MAGI1: variants seen among roughly 807,000 people sequenced by gnomAD.
MAGI1 encodes the protein membrane-associated guanylate kinase, WW and PDZ domain-containing protein 1.
Under a neutral mutation model 139.9 loss-of-function variants are expected in MAGI1, and 58 were observed. The observed-to-expected ratio is 0.41, with a 90% CI of 0.34 to 0.52. The LOEUF (loss-of-function observed/expected upper bound fraction) is 0.52. MAGI1 is among the 20% of genes least tolerant of loss of function. MAGI1 has a pLI of 0.12. For missense variants in MAGI1, 1,874 were observed against 1,901.6 expected, an observed-to-expected ratio of 0.99 and a Z score of 0.27; for synonymous variants, 812 against 737.9, an observed-to-expected ratio of 1.10 and a Z score of -1.63.
intron 1 of MAGI1, among the ~76,000 whole-genome samples, chr3:65,981,662 C>T (rs905315722): frequency 6.6e-6 from 1 of 152,132 alleles, no homozygotes; most frequent in Non-Finnish European, 1.5e-5. Context: ...TGGGAGATAA[C>T]TGAATCATGG....
At chr3:65,760,527 T>C (rs796404548) in intron 1 of MAGI1, among the ~76,000 whole-genome samples, 9 of 151,904 alleles carry the variant, frequency 5.9e-5, no homozygotes, top group African/African-American at 2.2e-4. Context: ...TAGGAATAGA[T>C]AGCAACATAA....
intron 1 of MAGI1, among the ~76,000 whole-genome samples, chr3:65,904,040 A>G (rs2061342061): frequency 1.3e-5 from 2 of 152,214 alleles, no homozygotes; most frequent in East Asian, 3.9e-4. Flanking sequence ...AAATCATTCT[A>G]ATTTCCTCAA....
chr3:65,862,269 A>G (rs2059581706), intron 1 of MAGI1, among the ~76,000 whole-genome samples: 1 of 152,190 alleles, frequency 6.6e-6, no homozygotes, highest in African/African-American at 2.4e-5. Context: ...TTTTTCTTCT[A>G]TAAAATGGGG....
intron 1 of MAGI1, among the ~76,000 whole-genome samples, chr3:65,970,652 GAGCCAACACC>G (rs1171598742): frequency 6.6e-6 from 1 of 151,808 alleles, no homozygotes; most frequent in Non-Finnish European, 1.5e-5. Flanking sequence ...CCACACTCTG[GAGCCAACACC>G]AGCCAACCCA....
At chr3:65,787,722 T>A (rs1467877586) in intron 1 of MAGI1, among the ~76,000 whole-genome samples, 1 of 152,014 alleles carries the variant, frequency 6.6e-6, no homozygotes, top group East Asian at 1.9e-4. Context: ...GGGTTGAACA[T>A]CTAATTAGCC....
intron 1 of MAGI1, among the ~76,000 whole-genome samples, chr3:65,922,799 C>G (rs924482564): frequency 1.3e-5 from 2 of 152,170 alleles, no homozygotes; most frequent in African/African-American, 4.8e-5. Context: ...TAATAAGAAC[C>G]AGCCAGTTGG....
chr3:66,014,444 T>C (rs2067513209), intron 1 of MAGI1, among the ~76,000 whole-genome samples: 1 of 152,190 alleles, frequency 6.6e-6, no homozygotes, highest in Non-Finnish European at 1.5e-5. Context: ...AGGACAGAGA[T>C]CCACCTCACT....
chr3:65,659,491 C>T (rs909259547), intron 1 of MAGI1, among the ~76,000 whole-genome samples: 1 of 152,082 alleles, frequency 6.6e-6, no homozygotes, highest in African/African-American at 2.4e-5. Context: ...CAGGACGGTT[C>T]CAAAAACACT....
At chr3:65,849,718 CTGT>C (rs2059141335) in intron 1 of MAGI1, among the ~76,000 whole-genome samples, 1 of 152,040 alleles carries the variant, frequency 6.6e-6, no homozygotes. Flanking sequence ...TTTGTTGCTG[CTGT>C]TAAGAAACAA....
At chr3:66,012,507 A>G (rs1373739073) in intron 1 of MAGI1, among the ~76,000 whole-genome samples, 2 of 152,166 alleles carry the variant, frequency 1.3e-5, no homozygotes, top group Non-Finnish European at 2.9e-5. Context: ...ATGAGAGATA[A>G]AAACAGACAA....
rs139503462 is a variant in MAGI1, at chr3:65,651,142, C to T, written c.314-29054G>A. Reference sequence around the variant, plus strand: ...AAGGCCAGCAGACTTACATGAAGATCGGCATTTGCCTTTTTTGCCCACTGC... The same window carrying T: ...AAGGCCAGCAGACTTACATGAAGATTGGCATTTGCCTTTTTTGCCCACTGC... On this transcript the variant is annotated intron_variant, in intron 1 of 22. Coordinates refer to ENST00000402939, the MANE Select transcript of MAGI1 (RefSeq NM_001033057.2). 1.3e-4 allele frequency among the ~76,000 whole-genome samples: 20 copies of T among 152,210 alleles called. No individual in the cohort carries two copies. In the East Asian group the frequency reaches 3.3e-3, roughly 25 times the overall value.
At chr3:65,905,913 T>A (rs1244236761) in intron 1 of MAGI1, among the ~76,000 whole-genome samples, 2 of 152,208 alleles carry the variant, frequency 1.3e-5, no homozygotes, top group East Asian at 3.9e-4. Flanking sequence ...TGTGGTGCTT[T>A]CCGGATATAA....
At chr3:65,565,102 G>A (rs2080550159) in intron 2 of MAGI1, among the ~76,000 whole-genome samples, 1 of 152,128 alleles carries the variant, frequency 6.6e-6, no homozygotes, top group Non-Finnish European at 1.5e-5. Flanking sequence ...ATACACACGG[G>A]TGCACACACA....
chr3:65,632,858 G>C (rs1365444625), intron 1 of MAGI1, among the ~76,000 whole-genome samples: 1 of 152,118 alleles, frequency 6.6e-6, no homozygotes, highest in East Asian at 1.9e-4. Context: ...GTAATTGTTG[G>C]GGTAGAGTTC....
At chr3:65,906,811 A>G (rs2061452433) in intron 1 of MAGI1, among the ~76,000 whole-genome samples, 2 of 151,624 alleles carry the variant, frequency 1.3e-5, no homozygotes, top group Non-Finnish European at 2.9e-5. Flanking sequence ...GCTTGAACCC[A>G]GGAGGTGGAG....
chr3:65,451,034 T>C (rs1265719034), intron 6 of MAGI1, among the ~76,000 whole-genome samples: 1 of 152,224 alleles, frequency 6.6e-6, no homozygotes, highest in African/African-American at 2.4e-5. Context: ...ACAGAATATA[T>C]GAATTCTAAT....
chr3:66,028,840 A>C (rs2068443297), intron 1 of MAGI1, among the ~76,000 whole-genome samples: 1 of 152,084 alleles, frequency 6.6e-6, no homozygotes, highest in Non-Finnish European at 1.5e-5. Flanking sequence ...CAGAAAAAAG[A>C]GTGTTTTTTT....
intron 2 of MAGI1, among the ~76,000 whole-genome samples, chr3:65,509,457 G>A (rs903968612): frequency 2.6e-5 from 4 of 152,272 alleles, no homozygotes; most frequent in Admixed American, 1.3e-4. Flanking sequence ...CGTACCGTGC[G>A]CAAGCCGAAG....
chr3:65,370,113 T>G lies in MAGI1; in HGVS notation c.3197-5167A>C, dbSNP rs139186351. Reference sequence around the variant, plus strand: ...TGGATCTCCCACATCTTTTGAGAAATCTAACTCCCCTGCTTCAACTCTAAT... The same window carrying G: ...TGGATCTCCCACATCTTTTGAGAAAGCTAACTCCCCTGCTTCAACTCTAAT... On this transcript the variant is annotated intron_variant, in intron 18 of 22. Coordinates refer to ENST00000402939, the MANE Select transcript of MAGI1 (RefSeq NM_001033057.2). Among the ~76,000 whole-genome samples, 330 of 152,248 alleles carry G rather than the reference T, an allele frequency of 2.2e-3. 1 individual carries two copies. The highest frequency in any genetic ancestry group is 0.013 in the East Asian group (67 of 5,170).
Sources: gnomAD v4.1 joint callset for allele counts (sites outside exome capture counted in the v4.1 genomes callset) on GRCh38, gnomAD v4.1.1 for gene constraint, MANE v1.5 for transcripts, NCBI Gene and HGNC (gene_info 2026-07-23, HGNC 2026-07-21) for gene names.